The following NFU1 variants were observed in gnomAD, a reference collection of about 807,000 sequenced individuals.
NFU1 encodes NFU1 iron-sulfur cluster scaffold homolog, mitochondrial.
Under a neutral mutation model 32.2 loss-of-function variants are expected in NFU1, and 30 were observed. That is an observed-to-expected ratio of 0.93 (90% CI 0.70 to 1.26). The LOEUF (loss-of-function observed/expected upper bound fraction) is 1.26, where lower values mean the gene tolerates loss of function less well. NFU1 is among the 50% of genes most tolerant of loss of function. The probability of loss-of-function intolerance (pLI) is 0.00; values close to 1 mark genes in which losing one functional copy is unlikely to be tolerated. For synonymous variants in NFU1, 112 were observed against 104.6 expected, an observed-to-expected ratio of 1.07 and a Z score of -0.43; for missense variants, 306 against 306.6, an observed-to-expected ratio of 1.00 and a Z score of 0.02.
chr2:69,428,729 T>G (rs1299304123), intron 2 of NFU1, among the ~76,000 whole-genome samples: 1 of 152,198 alleles, frequency 6.6e-6, no homozygotes, highest in African/African-American at 2.4e-5. Context: ...CTGTCCTAAT[T>G]TTCACATCAC....
chr2:69,418,245 C>T (rs779114177), intron 4 of NFU1, among the ~76,000 whole-genome samples: 6 of 152,100 alleles, frequency 3.9e-5, no homozygotes, highest in Admixed American at 6.5e-5. Context: ...ACAAAAAATA[C>T]AAAAATTAGT....
At chr2:69,407,308 A>G (rs1192129396) in intron 5 of NFU1, among the ~76,000 whole-genome samples, 4 of 152,182 alleles carry the variant, frequency 2.6e-5, no homozygotes. Context: ...AACCAAAAAT[A>G]TGGAGATTTC....
chr2:69,423,814 G>C lies in NFU1; in HGVS notation c.167-97C>G, dbSNP rs1046715702. On this transcript the variant is annotated intron_variant, in intron 2 of 7. Coordinates refer to ENST00000410022, the MANE Select transcript of NFU1 (RefSeq NM_001002755.4). ...ATTTGCAGAGAATCAGAAGAAGTAA[G>C]AAAAACTGGGGAAAAACCCAAGGCT... 1.6e-4 allele frequency: 142 copies of C among 905,500 alleles called. 1 individual carries two copies. The highest frequency in any genetic ancestry group is 2.9e-5 in the Non-Finnish European group (17 of 576,830). 56.1% of individuals were successfully genotyped at this position (905,500 alleles called of 1,614,324 possible).
chr2:69,420,838 A>G (rs371023689), intron 3 of NFU1, among the ~76,000 whole-genome samples: 4 of 152,230 alleles, frequency 2.6e-5, no homozygotes, highest in African/African-American at 9.6e-5. Context: ...GTAAGGGTGA[A>G]AAAATAGTGA....
Position 69,423,656 on chromosome 2 carries a change from T to A in NFU1, c.228A>T (p.Pro76=). 6.2e-7 allele frequency: 1 copy of A among 1,612,482 alleles called. No homozygotes were observed. Among genetic ancestry groups the A allele is most frequent in the Non-Finnish European group, 8.5e-7 (1 of 1,178,538 alleles). Reference sequence around the variant, plus strand: ...TCCTTGTCTCAAGAACTGGTTTTCCTGGTATAAACTTTAAGCTGTTTGGAT... The same window carrying A: ...TCCTTGTCTCAAGAACTGGTTTTCCAGGTATAAACTTTAAGCTGTTTGGAT... ...TPNPNSLKFI[P]GKPVLETRTM... The change falls in exon 3 of 8, where the codon CCA becomes CCT. Residue 76 remains proline, a synonymous_variant. Transcript: ENST00000410022.
chr2:69,405,142 G>A (rs545273641), intron 6 of NFU1, among the ~76,000 whole-genome samples: 40 of 152,112 alleles, frequency 2.6e-4, no homozygotes, highest in Non-Finnish European at 5.3e-4. Flanking sequence ...AGCTACTCAG[G>A]AGGCTGAATC....
intron 3 of NFU1, among the ~76,000 whole-genome samples, chr2:69,421,637 G>A (rs575227783): frequency 4.5e-5 from 6 of 133,764 alleles, no homozygotes; most frequent in African/African-American, 1.4e-4. Flanking sequence ...GCGCTATCTC[G>A]GCTCACTGCA....
downstream of NFU1, chr2:69,396,023 G>A (rs2104723150): frequency 2.1e-6 from 1 of 468,224 alleles, no homozygotes; most frequent in Non-Finnish European, 3.8e-6. Flanking sequence ...GGAAATGAGG[G>A]ACAAAAATAA....
intron 5 of NFU1, among the ~76,000 whole-genome samples, chr2:69,409,387 T>C (rs532997784): frequency 4.6e-5 from 7 of 152,286 alleles, no homozygotes; most frequent in South Asian, 2.1e-4. Context: ...AGTTAAAAAA[T>C]ATTTCAGTGA....
At chr2:69,404,117 C>T (rs1394073475) in intron 6 of NFU1, among the ~76,000 whole-genome samples, 1 of 150,836 alleles carries the variant, frequency 6.6e-6, no homozygotes, top group African/African-American at 2.4e-5. Context: ...GGATTACAGG[C>T]GTGAGGCACC....
chr2:69,427,927 G>A (rs1246683166), intron 2 of NFU1, among the ~76,000 whole-genome samples: 1 of 152,036 alleles, frequency 6.6e-6, no homozygotes. Flanking sequence ...GGAGGCTGAG[G>A]CAGGACAATC....
At chr2:69,430,402 C>T (rs1257310904) in intron 2 of NFU1, among the ~76,000 whole-genome samples, 1 of 151,938 alleles carries the variant, frequency 6.6e-6, no homozygotes, top group Non-Finnish European at 1.5e-5. Context: ...TTTGTAAAGA[C>T]AGGGTTTGAC....
chr2:69,432,992 A>T (rs1276794646), intron 1 of NFU1, among the ~76,000 whole-genome samples: 1 of 151,818 alleles, frequency 6.6e-6, no homozygotes, highest in Non-Finnish European at 1.5e-5. Context: ...TCTACTAAAA[A>T]TACAAAAAAT....
At chr2:69,421,385 G>C (rs1029005933) in intron 3 of NFU1, among the ~76,000 whole-genome samples, 6 of 151,898 alleles carry the variant, frequency 4.0e-5, no homozygotes, top group African/African-American at 1.5e-4. Context: ...TAAAATGGCT[G>C]TACGTATAGA....
chr2:69,408,672 A>C (rs1672777304), intron 5 of NFU1, among the ~76,000 whole-genome samples: 1 of 150,902 alleles, frequency 6.6e-6, no homozygotes, highest in Admixed American at 6.6e-5. Flanking sequence ...GTGAGCTGAG[A>C]TCACGCCACT....
intron 7 of NFU1, among the ~76,000 whole-genome samples, chr2:69,396,613 A>T (rs1433386199): frequency 6.6e-6 from 1 of 151,840 alleles, no homozygotes; most frequent in Non-Finnish European, 1.5e-5. Flanking sequence ...AGATCGCGCC[A>T]CTGCACTCCA....
rs1173785443 is a variant in NFU1 at position 69,408,861 on chromosome 2, C to CTTTT, written c.485-2783_485-2780dup. ...GGATATTTGTGTAAACAGGCTTGTG[C>CTTTT]TTTTTTTTTTTTTTTTTTTTTTTGA... On this transcript the variant is annotated intron_variant, in intron 5 of 7. Coordinates refer to ENST00000410022, the MANE Select transcript of NFU1 (RefSeq NM_001002755.4). Among the ~76,000 whole-genome samples the CTTTT allele has an allele frequency of 1.8e-4, 12 of 67,768 alleles. 2 individuals carry two copies. Among genetic ancestry groups the CTTTT allele is most frequent in the Non-Finnish European group, 2.2e-4 (8 of 37,008 alleles). The allele number at this position is 67,768 out of a possible 152,430, so 44.5% of individuals were successfully genotyped here.
intron 6 of NFU1, among the ~76,000 whole-genome samples, chr2:69,402,506 T>C (rs1395170205): frequency 1.3e-5 from 2 of 152,216 alleles, no homozygotes; most frequent in East Asian, 3.8e-4. Flanking sequence ...TGGCATCTTC[T>C]GATGAAGAGA....
At chr2:69,396,924 T>G (rs1672357573) in intron 7 of NFU1, among the ~76,000 whole-genome samples, 1 of 150,480 alleles carries the variant, frequency 6.6e-6, no homozygotes, top group Admixed American at 6.6e-5. Flanking sequence ...TACAAAAAAT[T>G]AGCCGGTCGT....
Sources: gnomAD v4.1 joint callset for allele counts (sites outside exome capture counted in the v4.1 genomes callset) on GRCh38, gnomAD v4.1.1 for gene constraint, MANE v1.5 for transcripts, NCBI Gene and HGNC (gene_info 2026-07-23, HGNC 2026-07-21) for gene names.